Variants in APBB2 observed in about 807,000 individuals in gnomAD.
APBB2 encodes Fe65-like 1.
A neutral mutation model predicts 82.5 loss-of-function variants in APBB2; 38 were observed. That is an observed-to-expected ratio of 0.46 (90% CI 0.36 to 0.60). APBB2 has a LOEUF of 0.60. Ranked by LOEUF, APBB2 falls within the 20% of genes least tolerant of loss-of-function variation. The pLI is 0.00. For missense variants in APBB2, 772 were observed against 972.3 expected (o/e 0.79, Z 2.74); for synonymous variants, 341 against 368.2 (o/e 0.93, Z 0.85).
chr4:41,059,049 T>C (rs1365689528), intron 4 of APBB2, among the ~76,000 whole-genome samples: 1 of 152,196 alleles, frequency 6.6e-6, no homozygotes, highest in Non-Finnish European at 1.5e-5. Context: ...TGATGAACCC[T>C]GGAGAACAAA....
chr4:40,949,759 G>A (rs1789557273), intron 6 of APBB2, among the ~76,000 whole-genome samples: 1 of 152,240 alleles, frequency 6.6e-6, no homozygotes. Context: ...GTGGCTGCCA[G>A]CTTCACTGCC....
Position 41,007,348 on chromosome 4 carries a change from C to T in APBB2, c.835+6235G>A, listed in dbSNP as rs528449345. On this transcript the variant is annotated intron_variant, in intron 6 of 17. Transcript: ENST00000508593. The stretch of plus-strand genomic sequence containing the variant: ...GGTGTTATGCTCTTGGACTTCCCAG[C>T]CTCCAGAACTGTGACCTAAATATAT... Among the ~76,000 whole-genome samples, 3 of 151,880 alleles carry T rather than the reference C, an allele frequency of 2.0e-5. No individual in the cohort carries two copies. In the East Asian group the frequency reaches 5.8e-4, roughly 29 times the overall value.
intron 4 of APBB2, among the ~76,000 whole-genome samples, chr4:41,034,749 T>C (rs2154443781): frequency 6.6e-6 from 1 of 151,584 alleles, no homozygotes; most frequent in Middle Eastern, 3.4e-3. Context: ...CCTAGGTGTA[T>C]ACTCACATGC....
intron 1 of APBB2, among the ~76,000 whole-genome samples, chr4:41,156,147 C>T (rs1193551937): frequency 6.7e-6 from 1 of 149,158 alleles, no homozygotes; most frequent in African/African-American, 2.5e-5. Context: ...CACCAAGTAA[C>T]ATTTGCAAGC....
In APBB2 at chr4:40,945,045, C is replaced by G. The variant is rs1432882956; in HGVS notation, c.864G>C (p.Gln288His). 1.3e-6 allele frequency: 2 copies of G among 1,588,248 alleles called. No homozygotes were observed. The highest frequency in any genetic ancestry group is 2.3e-5 in the East Asian group (1 of 43,938). ...AGCCAGGCGGCAAATCTGGATCAGT[C>G]TGAAATGAGTGATCACTCCATATAT... is the stretch of plus-strand genomic sequence containing the variant. Reference protein sequence around the residue: ...TADIWSDHSFQTDPDLPPGWK... With the variant: ...TADIWSDHSFHTDPDLPPGWK... The change falls in exon 7 of 18, where the codon CAG becomes CAC. Residue 288 changes from glutamine to histidine, a missense_variant. Physicochemically the swap from Gln to His is conservative, Grantham distance 24 (BLOSUM62 0). Coordinates refer to ENST00000508593, the MANE Select transcript of APBB2 (RefSeq NM_004307.2).
intron 10 of APBB2, among the ~76,000 whole-genome samples, chr4:40,924,394 C>T (rs1782089425): frequency 2.0e-5 from 3 of 152,198 alleles, no homozygotes; most frequent in African/African-American, 4.8e-5. Context: ...CCGTCCTATG[C>T]GCTCCTTGTA....
chr4:40,857,083 A>T (rs1761456810), intron 12 of APBB2: 2 of 985,452 alleles, frequency 2.0e-6, no homozygotes, highest in Non-Finnish European at 2.4e-6. Context: ...TGCTACGACA[A>T]GCCCCAGGGT....
intron 1 of APBB2, among the ~76,000 whole-genome samples, chr4:41,198,958 T>C (rs905016612): frequency 6.6e-6 from 1 of 152,180 alleles, no homozygotes; most frequent in Non-Finnish European, 1.5e-5. Context: ...CCTCTTCTTC[T>C]AAAGCTTAAA....
intron 12 of APBB2, among the ~76,000 whole-genome samples, chr4:40,845,588 CAAAAA>C (rs71198606): frequency 1.8e-4 from 10 of 56,476 alleles, no homozygotes; most frequent in East Asian, 2.0e-3. Context: ...GGAAATTCCT[CAAAAA>C]AAAAAAAAAA....
At chr4:41,061,568 T>G (rs1451722064) in intron 4 of APBB2, among the ~76,000 whole-genome samples, 1 of 152,198 alleles carries the variant, frequency 6.6e-6, no homozygotes, top group Non-Finnish European at 1.5e-5. Context: ...AGAAATAGGG[T>G]CTTATAATCT....
chr4:41,206,381 C>T (rs1312818670), intron 1 of APBB2, among the ~76,000 whole-genome samples: 1 of 152,232 alleles, frequency 6.6e-6, no homozygotes, highest in Admixed American at 6.5e-5. Flanking sequence ...GTACATTCCT[C>T]TCTGTCCTCC....
chr4:41,159,960 G>GAA (rs1560913299), intron 1 of APBB2, among the ~76,000 whole-genome samples: 3,484 of 71,664 alleles, frequency 0.049, 440 homozygotes, highest in Non-Finnish European at 0.058. Context: ...AGAAGGAGAA[G>GAA]GAGAAGAAGA....
chr4:41,142,874 A>ATAAC (rs1234674894), intron 2 of APBB2, 113 bp downstream of exon 2: 1 of 152,202 alleles, frequency 6.6e-6, no homozygotes, highest in Non-Finnish European at 1.5e-5. Flanking sequence ...ACTCTCACAA[A>ATAAC]TAACTGAAAA....
intron 6 of APBB2, among the ~76,000 whole-genome samples, chr4:40,955,925 G>A (rs946944783): frequency 6.6e-6 from 1 of 151,944 alleles, no homozygotes; most frequent in Non-Finnish European, 1.5e-5. Context: ...ACAGGCGTGT[G>A]CCACCACGCC....
chr4:41,071,331 A>G (rs987925886), intron 3 of APBB2, among the ~76,000 whole-genome samples: 2 of 152,246 alleles, frequency 1.3e-5, no homozygotes, highest in Admixed American at 6.5e-5. Context: ...TTCAATAATT[A>G]TAATTCTCTG....
intron 10 of APBB2, among the ~76,000 whole-genome samples, chr4:40,916,057 G>A (rs778389553): frequency 7.2e-5 from 11 of 152,156 alleles, no homozygotes; most frequent in Non-Finnish European, 1.5e-4. Context: ...GTAATGCAAA[G>A]GTGAAGTAAA....
At chr4:41,200,192 A>C (rs1360539952) in intron 1 of APBB2, among the ~76,000 whole-genome samples, 1 of 152,230 alleles carries the variant, frequency 6.6e-6, no homozygotes, top group Non-Finnish European at 1.5e-5. Flanking sequence ...GTCAAAATGC[A>C]CTATAGAGCA....
intron 6 of APBB2, among the ~76,000 whole-genome samples, chr4:40,964,332 G>A (rs6820227): frequency 0.43 from 64,516 of 151,490 alleles, 14,049 homozygotes; most frequent in East Asian, 0.65. Flanking sequence ...TAAAAAAACA[G>A]TCCATAACTG....
At chr4:41,152,444 T>A (rs963476726) in intron 1 of APBB2, among the ~76,000 whole-genome samples, 2 of 152,130 alleles carry the variant, frequency 1.3e-5, no homozygotes, top group South Asian at 4.2e-4. Context: ...TGCCTCAGCC[T>A]CCCGAGTAGC....
Sources: gnomAD v4.1 joint callset for allele counts (sites outside exome capture counted in the v4.1 genomes callset) on GRCh38, gnomAD v4.1.1 for gene constraint, MANE v1.5 for transcripts, NCBI Gene and HGNC (gene_info 2026-07-23, HGNC 2026-07-21) for gene names.